LIMK2: variants seen among roughly 807,000 people sequenced by gnomAD.
The protein encoded by LIMK2 is LIM domain kinase 2.
Under a neutral mutation model 75.7 loss-of-function variants are expected in LIMK2, and 35 were observed. That is an observed-to-expected ratio of 0.46 (90% CI 0.35 to 0.61). The LOEUF (loss-of-function observed/expected upper bound fraction) is 0.61. Ranked by LOEUF, LIMK2 falls within the 20% of genes least tolerant of loss-of-function variation. The probability of loss-of-function intolerance (pLI) is 0.00; values close to 1 mark genes in which losing one functional copy is unlikely to be tolerated. For synonymous variants in LIMK2, 301 were observed against 319.2 expected, an observed-to-expected ratio of 0.94 and a Z score of 0.61; for missense variants, 623 against 831.0, an observed-to-expected ratio of 0.75 and a Z score of 3.08.
chr22:31,265,745 G>A (rs901936715), intron 7 of LIMK2, among the ~76,000 whole-genome samples: 3 of 152,150 alleles, frequency 2.0e-5, no homozygotes, highest in African/African-American at 4.8e-5. Context: ...TTTTGAATGT[G>A]TTTTTACTAT....
At chr22:31,266,238 C>G in intron 8 of LIMK2, 106 bp downstream of exon 8, 1 of 1,141,504 alleles carries the variant, frequency 8.8e-7, no homozygotes, top group South Asian at 1.4e-5. Context: ...TGCAGGATGC[C>G]AGGCCTCCTT....
chr22:31,266,110 GCTT>G lies in LIMK2; in HGVS notation c.1023_1025del (p.Phe342del). ...ATCCATGGGGAGGTCCTGGGGAAGG[GCTT>G]CTTTGGGCAGGCTATCAAGGTGAGC... On this transcript the variant is annotated inframe_deletion, in exon 8 of 16. Coordinates refer to ENST00000331728, the MANE Select transcript of LIMK2 (RefSeq NM_005569.4). The G allele has an allele frequency of 6.2e-7, 1 of 1,614,202 alleles. No homozygotes were observed. Among genetic ancestry groups the G allele is most frequent in the Non-Finnish European group, 8.5e-7 (1 of 1,180,018 alleles).
At chr22:31,254,263 C>T (rs2048754755) in intron 2 of LIMK2, among the ~76,000 whole-genome samples, 1 of 152,248 alleles carries the variant, frequency 6.6e-6, no homozygotes, top group South Asian at 2.1e-4. Flanking sequence ...TTCTGGTGCT[C>T]CCATGCCCTG....
intron 2 of LIMK2, among the ~76,000 whole-genome samples, chr22:31,244,998 A>G (rs1014710537): frequency 1.3e-5 from 2 of 152,228 alleles, no homozygotes; most frequent in Non-Finnish European, 2.9e-5. Context: ...TTATCTGTAA[A>G]GAGAAAAATC....
In LIMK2 at chr22:31,275,242, C is replaced by G; in HGVS notation, c.1706C>G (p.Pro569Arg). The change falls in exon 15 of 16, where the codon CCC (proline) becomes CGC (arginine). Residue 569 changes from proline to arginine, a missense_variant. By Grantham distance (103) the Pro-to-Arg change is moderately radical (BLOSUM62 -2). This residue lies in a region of LIMK2 where 63 missense variants were observed against 122.8 expected (regional missense o/e 0.51). Transcript: ENST00000331728. Reference sequence around the variant, plus strand: ...AAGCTTTTCTGGGAGAAGTTTGTTCCCACAGATTGTCCCCCGGCCTTCTTC... The same window carrying G: ...AAGCTTTTCTGGGAGAAGTTTGTTCGCACAGATTGTCCCCCGGCCTTCTTC... ...NVKLFWEKFV[P>R]TDCPPAFFPL... 6.2e-7 allele frequency: 1 copy of G among 1,614,218 alleles called. No individual in the cohort carries two copies.
intron 2 of LIMK2, among the ~76,000 whole-genome samples, chr22:31,236,520 G>C (rs531982661): frequency 2.7e-5 from 4 of 149,020 alleles, no homozygotes; most frequent in Non-Finnish European, 5.9e-5. Flanking sequence ...GAGGCGAGAG[G>C]ATTGCTTGAG....
At chr22:31,263,486 G>C (rs1212352353) in intron 7 of LIMK2, among the ~76,000 whole-genome samples, 2 of 152,148 alleles carry the variant, frequency 1.3e-5, no homozygotes, top group Non-Finnish European at 1.5e-5. Flanking sequence ...ACATAAAGTT[G>C]TATAGTGCTG....
At chr22:31,240,061 C>A (rs1172559169) in intron 2 of LIMK2, among the ~76,000 whole-genome samples, 1 of 152,104 alleles carries the variant, frequency 6.6e-6, no homozygotes, top group Admixed American at 6.5e-5. Context: ...CTTATTTTGC[C>A]GTGTTTTTCA....
intron 13 of LIMK2, chr22:31,273,039 C>T: frequency 8.9e-7 from 1 of 1,127,622 alleles, no homozygotes; most frequent in Non-Finnish European, 1.1e-6. Flanking sequence ...GGATAATGCT[C>T]AAACCAACCA....
chr22:31,262,524 T>A lies in LIMK2; in HGVS notation c.658-71T>A. 1 of 1,434,692 alleles carries A rather than the reference T, an allele frequency of 7.0e-7. No homozygotes were observed. Among genetic ancestry groups the A allele is most frequent in the African/African-American group, 1.4e-5 (1 of 71,186 alleles). The allele number at this position is 1,434,692 out of a possible 1,614,324, so 88.9% of individuals were successfully genotyped here. On this transcript the variant is annotated intron_variant, in intron 6 of 15. Coordinates refer to ENST00000331728, the MANE Select transcript of LIMK2 (RefSeq NM_005569.4). This position sits in a 1 kb window ranked among gnomAD's most constrained non-coding sequence, Gnocchi z 5.0. ...GAGCACTGGCCACACTGTGCCTGAGTCATCTGGGTTGGCCATGGGTGGCCT... is the reference window on the plus strand; with the variant it reads ...GAGCACTGGCCACACTGTGCCTGAGACATCTGGGTTGGCCATGGGTGGCCT...
chr22:31,236,197 G>A (rs2123792686), intron 2 of LIMK2, among the ~76,000 whole-genome samples: 1 of 151,980 alleles, frequency 6.6e-6, no homozygotes, highest in Admixed American at 6.6e-5. Context: ...AGGAGCCTGA[G>A]GCGGGAGAAA....
intron 2 of LIMK2, among the ~76,000 whole-genome samples, chr22:31,228,166 C>G (rs894298059): frequency 2.6e-5 from 4 of 151,984 alleles, no homozygotes; most frequent in African/African-American, 9.7e-5. Flanking sequence ...CCTGTAATCC[C>G]AGCACTTTGG....
chr22:31,265,234 C>T (rs2048882281), intron 7 of LIMK2, among the ~76,000 whole-genome samples: 2 of 141,456 alleles, frequency 1.4e-5, no homozygotes, highest in South Asian at 2.2e-4. Flanking sequence ...GGCGTGGTGG[C>T]GTGCACCTAT....
intron 2 of LIMK2, among the ~76,000 whole-genome samples, chr22:31,251,890 G>A (rs2048728231): frequency 6.6e-6 from 1 of 152,144 alleles, no homozygotes; most frequent in Non-Finnish European, 1.5e-5. Flanking sequence ...GGTGGAGGGA[G>A]CTTCCCATTC....
chr22:31,252,581 TA>T (rs2048735646), intron 2 of LIMK2, among the ~76,000 whole-genome samples: 1 of 54,084 alleles, frequency 1.8e-5, no homozygotes, highest in Non-Finnish European at 3.0e-5. Context: ...TTTGGATAGA[TA>T]AATAAAGGTC....
At chr22:31,245,940 A>C (rs1272259715) in intron 2 of LIMK2, among the ~76,000 whole-genome samples, 1 of 152,018 alleles carries the variant, frequency 6.6e-6, no homozygotes, top group Non-Finnish European at 1.5e-5. Context: ...TGGGAGGCCG[A>C]GGCAAGTGGA....
At chr22:31,236,677 G>T (rs1568987424) in intron 2 of LIMK2, among the ~76,000 whole-genome samples, 1 of 151,702 alleles carries the variant, frequency 6.6e-6, no homozygotes, top group Non-Finnish European at 1.5e-5. Flanking sequence ...ACTTTGGGAG[G>T]CCAAGGCAGG....
chr22:31,252,847 G>T (rs888732471), intron 2 of LIMK2, among the ~76,000 whole-genome samples: 2 of 152,220 alleles, frequency 1.3e-5, no homozygotes, highest in South Asian at 2.1e-4. Context: ...GGAAACTGAG[G>T]CTCAGAGTCA....
At chr22:31,215,163 A>G (rs918732994) in intron 1 of LIMK2, among the ~76,000 whole-genome samples, 1 of 152,242 alleles carries the variant, frequency 6.6e-6, no homozygotes, top group Non-Finnish European at 1.5e-5. Context: ...CTAAATGAGC[A>G]GTGGTGGTCA....
Sources: allele counts gnomAD v4.1 joint callset (sites outside exome capture counted in the v4.1 genomes callset), GRCh38; gene constraint gnomAD v4.1.1; regional missense constraint gnomAD v4.1.1; non-coding constraint Gnocchi (gnomAD v3.1); transcripts MANE v1.5; gene names NCBI Gene and HGNC (gene_info 2026-07-23, HGNC 2026-07-21).